Variants in EYA4 observed in about 807,000 individuals in gnomAD.
The protein encoded by EYA4 is protein phosphatase EYA4.
In EYA4, 31 loss-of-function variants were observed where a neutral mutation model predicts 87.9. That is an observed-to-expected ratio of 0.35 (90% CI 0.27 to 0.48). The LOEUF is 0.48. EYA4 is among the 20% of genes least tolerant of loss of function. The probability of loss-of-function intolerance (pLI) is 0.99; values close to 1 mark genes in which losing one functional copy is unlikely to be tolerated. For synonymous variants in EYA4, 263 were observed against 270.6 expected, an observed-to-expected ratio of 0.97 and a Z score of 0.28; for missense variants, 678 against 761.4, an observed-to-expected ratio of 0.89 and a Z score of 1.29.
At chr6:133,344,473 TA>T (rs1270378657) in intron 2 of EYA4, among the ~76,000 whole-genome samples, 1 of 152,228 alleles carries the variant, frequency 6.6e-6, no homozygotes, top group African/African-American at 2.4e-5. Flanking sequence ...TTATTTATTT[TA>T]ATCTTATCTG....
intron 17 of EYA4, 132 bp from the exon 18 acceptor site, chr6:133,522,924 T>C (rs1195078998): frequency 6.9e-6 from 5 of 725,198 alleles, no homozygotes; most frequent in Non-Finnish European, 9.6e-6. Context: ...GTCTGTCTGC[T>C]GATAGGCAAT....
chr6:133,482,184 G>C (rs1031506185), intron 12 of EYA4, among the ~76,000 whole-genome samples: 1 of 152,114 alleles, frequency 6.6e-6, no homozygotes, highest in Non-Finnish European at 1.5e-5. Context: ...ACCATAATAT[G>C]TTACTTCTTA....
At chr6:133,291,175 C>G (rs1214894018) in intron 2 of EYA4, among the ~76,000 whole-genome samples, 1 of 152,098 alleles carries the variant, frequency 6.6e-6, no homozygotes, top group African/African-American at 2.4e-5. Context: ...TCCCCTGGGC[C>G]TTTTATGTAA....
intron 11 of EYA4, among the ~76,000 whole-genome samples, chr6:133,472,869 G>T: frequency 6.8e-6 from 1 of 146,120 alleles, no homozygotes; most frequent in African/African-American, 2.5e-5. Flanking sequence ...TGTCTCTTTT[G>T]ATCTTTGTTG....
At chr6:133,323,649 A>G (rs543844190) in intron 2 of EYA4, among the ~76,000 whole-genome samples, 44 of 152,258 alleles carry the variant, frequency 2.9e-4, no homozygotes, top group Non-Finnish European at 5.0e-4. Context: ...TAGGGGAAGC[A>G]AGGATTTTGG....
At chr6:133,321,370 A>G (rs145890832) in intron 2 of EYA4, among the ~76,000 whole-genome samples, 36 of 152,230 alleles carry the variant, frequency 2.4e-4, no homozygotes, top group African/African-American at 8.2e-4. Context: ...CTTTTCTGCA[A>G]TTTTTATTAG....
At chr6:133,439,811 A>G (rs1405095031) in intron 3 of EYA4, among the ~76,000 whole-genome samples, 1 of 151,516 alleles carries the variant, frequency 6.6e-6, no homozygotes, top group Non-Finnish European at 1.5e-5. Flanking sequence ...CAGGAATCAC[A>G]TTGTTAGCAT....
chr6:133,461,174 C>T lies in EYA4; in HGVS notation c.431C>T (p.Pro144Leu). The change falls in exon 7 of 20, where the codon CCT becomes CTT. Residue 144 changes from proline to leucine, a missense_variant. Coordinates refer to ENST00000355286, the MANE Select transcript of EYA4 (RefSeq NM_004100.5). ...CATCAGTATTCCCCACAGCTGTATCCTTCCAAGTAAGTGGTCAGTAGATTC... is the reference window on the plus strand; with the variant it reads ...CATCAGTATTCCCCACAGCTGTATCTTTCCAAGTAAGTGGTCAGTAGATTC... The part of the protein sequence containing the change: ...SAHQYSPQLY[P>L]SKPYPHILST... 1.2e-6 allele frequency: 2 copies of T among 1,610,694 alleles called. No individual in the cohort carries two copies. The highest frequency in any genetic ancestry group is 1.1e-5 in the South Asian group (1 of 91,020).
intron 2 of EYA4, among the ~76,000 whole-genome samples, chr6:133,299,714 AAAAATAAAATAAAATAAAATAAAAT>A (rs201014987): frequency 1.4e-4 from 19 of 137,596 alleles, no homozygotes; most frequent in Non-Finnish European, 2.1e-4. Context: ...TCTGTCTCAA[AAAAATAAAATAAAATAAAATAAAAT>A]AAAATAAAAT....
At chr6:133,522,398 G>A (rs1017510553) in intron 17 of EYA4, among the ~76,000 whole-genome samples, 2 of 151,764 alleles carry the variant, frequency 1.3e-5, no homozygotes, top group Non-Finnish European at 1.5e-5. Context: ...TTTGTTGGGA[G>A]AGGGGAATAA....
intron 2 of EYA4, among the ~76,000 whole-genome samples, chr6:133,284,442 G>T (rs1212475153): frequency 6.6e-6 from 1 of 152,092 alleles, no homozygotes; most frequent in Non-Finnish European, 1.5e-5. Flanking sequence ...CCAAAGTGCT[G>T]GGATTACAGG....
chr6:133,361,032 A>G (rs1004907495), intron 2 of EYA4, among the ~76,000 whole-genome samples: 6 of 152,168 alleles, frequency 3.9e-5, no homozygotes, highest in African/African-American at 1.4e-4. Flanking sequence ...ACATTTCTGT[A>G]TGTGTTATGA....
chr6:133,290,899 C>A (rs1778436186), intron 2 of EYA4, among the ~76,000 whole-genome samples: 1 of 152,106 alleles, frequency 6.6e-6, no homozygotes, highest in African/African-American at 2.4e-5. Flanking sequence ...TTAACATCAG[C>A]CCCAGCCTCC....
intron 3 of EYA4, among the ~76,000 whole-genome samples, chr6:133,427,024 G>T (rs566470736): frequency 2.5e-4 from 38 of 152,298 alleles, no homozygotes; most frequent in South Asian, 6.2e-4. Flanking sequence ...CAAAGGCAGA[G>T]AATTTTTGTC....
intron 11 of EYA4, among the ~76,000 whole-genome samples, chr6:133,479,331 A>G (rs770537076): frequency 3.3e-5 from 5 of 152,204 alleles, no homozygotes; most frequent in Admixed American, 2.0e-4. Flanking sequence ...TCTGCTATCT[A>G]CTCTCACCGA....
intron 2 of EYA4, among the ~76,000 whole-genome samples, chr6:133,304,309 A>G (rs1426310364): frequency 1.3e-5 from 2 of 152,040 alleles, no homozygotes; most frequent in Non-Finnish European, 2.9e-5. Flanking sequence ...GGCAGGTGCA[A>G]CTCTGGGAGC....
At chr6:133,316,401 ATAGGT>A (rs1344767703) in intron 2 of EYA4, among the ~76,000 whole-genome samples, 2 of 152,306 alleles carry the variant, frequency 1.3e-5, no homozygotes, top group South Asian at 2.1e-4. Context: ...AGCTACTTAA[ATAGGT>A]TTTAGCTATT....
chr6:133,283,851 C>T (rs1280873333), intron 2 of EYA4, among the ~76,000 whole-genome samples: 1 of 152,178 alleles, frequency 6.6e-6, no homozygotes, highest in African/African-American at 2.4e-5. Flanking sequence ...CTCCAGTGGT[C>T]TCCAAAGGTC....
intron 3 of EYA4, among the ~76,000 whole-genome samples, chr6:133,442,022 T>C (rs1792356936): frequency 6.6e-6 from 1 of 152,022 alleles, no homozygotes; most frequent in Non-Finnish European, 1.5e-5. Context: ...TTAATACCTA[T>C]ATATGGCATA....
Sources: gnomAD v4.1 joint callset for allele counts (sites outside exome capture counted in the v4.1 genomes callset) on GRCh38, gnomAD v4.1.1 for gene constraint, MANE v1.5 for transcripts, NCBI Gene and HGNC (gene_info 2026-07-23, HGNC 2026-07-21) for gene names.